Variants in SPIDR observed in about 807,000 individuals in gnomAD.
The protein encoded by SPIDR is scaffold protein involved in DNA repair, also known as DNA repair-scaffolding protein.
SPIDR carries 93 observed loss-of-function variants against 104.6 expected under a neutral mutation model. That is an observed-to-expected ratio of 0.89 (90% CI 0.75 to 1.06). The LOEUF (loss-of-function observed/expected upper bound fraction) is 1.06. Among genes scored for constraint, SPIDR ranks in the 50% least tolerant of loss-of-function variants. SPIDR has a pLI of 0.00. For synonymous variants in SPIDR, 431 were observed against 416.9 expected (o/e 1.03, Z -0.41); for missense variants, 1,154 against 1,111.2 (o/e 1.04, Z -0.55).
rs7012708 is a variant in SPIDR, at chr8:47,476,192, C to T, written c.1097+35650C>T. Among the ~76,000 whole-genome samples, 365 of 152,188 alleles carry T rather than the reference C, an allele frequency of 2.4e-3. 2 individuals are homozygous for T. The highest frequency in any genetic ancestry group is 8.5e-3 in the African/African-American group (352 of 41,508). On this transcript the variant is annotated intron_variant, in intron 8 of 19. Transcript: ENST00000297423. ...AGCTGTGAGTTTAGGCATTGCTTGA[C>T]GGATGGTCTGTTGTGTCTACGCTCC...
At chr8:47,279,752 C>A in intron 1 of SPIDR, 110 bp from the exon 2 acceptor site, 1 of 1,088,498 alleles carries the variant, frequency 9.2e-7, no homozygotes, top group Non-Finnish European at 1.3e-6. Context: ...TATACCTTTA[C>A]TGATGCCACT....
In SPIDR at chr8:47,727,452, C is replaced by A. The variant is rs1225450848; in HGVS notation, c.2435+159C>A. Among the ~76,000 whole-genome samples the A allele has an allele frequency of 2.0e-5, 3 of 152,146 alleles. No homozygotes were observed. The East Asian group carries it at 5.8e-4, about 29-fold the overall frequency. Reference sequence around the variant, plus strand: ...CAGCAAGGGAAGAGGCCTCTGGGGCCCAGTGGGTTTTCCTTACTGAGATTT... The same window carrying A: ...CAGCAAGGGAAGAGGCCTCTGGGGCACAGTGGGTTTTCCTTACTGAGATTT... On this transcript the variant is annotated intron_variant, in intron 17 of 19. Coordinates refer to ENST00000297423, the MANE Select transcript of SPIDR (RefSeq NM_001080394.4).
intron 5 of SPIDR, among the ~76,000 whole-genome samples, chr8:47,344,729 G>A (rs1334548184): frequency 1.3e-5 from 2 of 152,214 alleles, no homozygotes; most frequent in Admixed American, 6.5e-5. Flanking sequence ...GTGATGATGA[G>A]CATTTTTTCA....
At chr8:47,479,381 G>A (rs1288558423) in intron 8 of SPIDR, among the ~76,000 whole-genome samples, 3 of 151,742 alleles carry the variant, frequency 2.0e-5, no homozygotes, top group Admixed American at 6.6e-5. Flanking sequence ...AGAAAGAAAG[G>A]AAAGAAAAGA....
chr8:47,630,394 C>A (rs188441843), intron 10 of SPIDR, among the ~76,000 whole-genome samples: 6 of 152,314 alleles, frequency 3.9e-5, no homozygotes, highest in Non-Finnish European at 7.3e-5. Context: ...CAGCTCTGGT[C>A]TCTACAGGTT....
intron 8 of SPIDR, among the ~76,000 whole-genome samples, chr8:47,553,652 T>TGAAA (rs1354696306): frequency 1.3e-5 from 2 of 152,224 alleles, no homozygotes; most frequent in African/African-American, 4.8e-5. Flanking sequence ...CGTCTAATCT[T>TGAAA]TTTTCAAGTT....
chr8:47,349,729 C>T (rs1216475255), intron 5 of SPIDR, among the ~76,000 whole-genome samples: 1 of 152,262 alleles, frequency 6.6e-6, no homozygotes, highest in Admixed American at 6.5e-5. Context: ...TCTCGGACTG[C>T]TGTGCTACCA....
At position 47,479,324 on chromosome 8, in the gene SPIDR, A is replaced by C. The variant is rs1223079302; in HGVS notation, c.1097+38782A>C. 1.2e-4 allele frequency among the ~76,000 whole-genome samples: 18 copies of C among 151,068 alleles called. 1 individual carries two copies. Among genetic ancestry groups the C allele is most frequent in the African/African-American group, 4.4e-4 (18 of 41,108 alleles). On this transcript the variant is annotated intron_variant, in intron 8 of 19. Coordinates refer to ENST00000297423, the MANE Select transcript of SPIDR (RefSeq NM_001080394.4). ...CAGTGAGCCGAGATTGCACCAGTGC[A>C]CTCCAGCCTGGGCAACAGAGTGAGA...
intron 8 of SPIDR, among the ~76,000 whole-genome samples, chr8:47,578,398 G>A (rs1317942631): frequency 6.6e-6 from 1 of 152,102 alleles, no homozygotes; most frequent in African/African-American, 2.4e-5. Flanking sequence ...CGTGAACCTG[G>A]GAGGCAGAGC....
intron 7 of SPIDR, among the ~76,000 whole-genome samples, chr8:47,424,661 G>T (rs771318963): frequency 4.5e-4 from 69 of 152,256 alleles, no homozygotes; most frequent in Non-Finnish European, 8.2e-4. Context: ...TGTTATACAG[G>T]AAGAGAGTAA....
At chr8:47,290,950 G>T in intron 3 of SPIDR, 83 bp from the exon 4 acceptor site, 1 of 1,056,540 alleles carries the variant, frequency 9.5e-7, no homozygotes, top group South Asian at 2.0e-5. Context: ...TGTGACTTTG[G>T]CAAAATTACA....
intron 5 of SPIDR, among the ~76,000 whole-genome samples, chr8:47,307,796 T>C (rs1364082784): frequency 6.6e-6 from 1 of 151,746 alleles, no homozygotes; most frequent in Non-Finnish European, 1.5e-5. Flanking sequence ...GCCTTGGCCT[T>C]CCATAGTGCT....
At chr8:47,690,071 C>G (rs2078417437) in intron 11 of SPIDR, among the ~76,000 whole-genome samples, 1 of 151,844 alleles carries the variant, frequency 6.6e-6, no homozygotes, top group Non-Finnish European at 1.5e-5. Flanking sequence ...AAAAAACTTA[C>G]ACGTGTCTAT....
intron 7 of SPIDR, among the ~76,000 whole-genome samples, chr8:47,410,808 G>A (rs909258970): frequency 2.2e-4 from 34 of 151,758 alleles, no homozygotes; most frequent in South Asian, 8.3e-4. Flanking sequence ...ATCCCTCCCC[G>A]CTCCCCCAAC....
In SPIDR at chr8:47,541,577, A is replaced by G. The variant is rs538007432; in HGVS notation, c.1098-54234A>G. 2.0e-5 allele frequency among the ~76,000 whole-genome samples: 3 copies of G among 152,222 alleles called. No homozygotes were observed. In the East Asian group the frequency reaches 5.8e-4, roughly 29 times the overall value. ...CTCAGAAATATAGTAGTTTTATCTTATTTTTACAGTAATTATCAATTATTA... is the reference window on the plus strand; with the variant it reads ...CTCAGAAATATAGTAGTTTTATCTTGTTTTTACAGTAATTATCAATTATTA... On this transcript the variant is annotated intron_variant, in intron 8 of 19. Transcript: ENST00000297423.
chr8:47,557,453 C>G (rs536211941), intron 8 of SPIDR, among the ~76,000 whole-genome samples: 74 of 152,264 alleles, frequency 4.9e-4, no homozygotes, highest in Non-Finnish European at 9.3e-4. Context: ...ATGGCAAAGT[C>G]TTTCATGCTA....
At chr8:47,572,031 C>T (rs2058578120) in intron 8 of SPIDR, among the ~76,000 whole-genome samples, 1 of 152,072 alleles carries the variant, frequency 6.6e-6, no homozygotes, top group Admixed American at 6.6e-5. Context: ...CATTTCTAAC[C>T]ATTGGTGTAC....
intron 5 of SPIDR, among the ~76,000 whole-genome samples, chr8:47,344,841 T>G (rs1474851639): frequency 6.6e-6 from 1 of 152,236 alleles, no homozygotes; most frequent in Non-Finnish European, 1.5e-5. Flanking sequence ...TAAATTTGTT[T>G]AAGCTCTTTG....
intron 4 of SPIDR, among the ~76,000 whole-genome samples, chr8:47,292,508 C>T (rs2040093336): frequency 6.6e-6 from 1 of 152,184 alleles, no homozygotes; most frequent in Non-Finnish European, 1.5e-5. Context: ...TTGTGCCTCC[C>T]AAAGTGCTGG....
Sources: gnomAD v4.1 joint callset for allele counts (sites outside exome capture counted in the v4.1 genomes callset) on GRCh38, gnomAD v4.1.1 for gene constraint, MANE v1.5 for transcripts, NCBI Gene and HGNC (gene_info 2026-07-23, HGNC 2026-07-21) for gene names.